ATXN8OS: variants seen among roughly 807,000 people sequenced by gnomAD.
ATXN8OS encodes the protein ATXN8 opposite strand (non-protein coding).
At chr13:70,165,215 A>G (rs1186826112) in intron 4 of ATXN8OS, among the ~76,000 whole-genome samples, 3 of 151,910 alleles carry the variant, frequency 2.0e-5, no homozygotes, top group African/African-American at 7.2e-5. Flanking sequence ...TAAGAGGAAG[A>G]GTGGAAATAA....
intron 4 of ATXN8OS, among the ~76,000 whole-genome samples, chr13:70,154,005 A>G (rs1180736392): frequency 6.6e-5 from 10 of 152,012 alleles, no homozygotes; most frequent in African/African-American, 2.4e-4. Flanking sequence ...TTACTCTTCT[A>G]ATTGTCCCCC....
intron 1 of ATXN8OS, among the ~76,000 whole-genome samples, chr13:70,113,366 A>G (rs1342014133): frequency 6.6e-6 from 1 of 152,158 alleles, no homozygotes; most frequent in African/African-American, 2.4e-5. Context: ...TAATGAGTAA[A>G]ACACATTTGA....
chr13:70,130,022 G>A (rs189844594), intron 3 of ATXN8OS: 1 of 394,440 alleles, frequency 2.5e-6, no homozygotes, highest in East Asian at 3.6e-5. Flanking sequence ...ATATTGAAAG[G>A]GAACTTTTCA....
At chr13:70,134,641 A>T (rs1259463289) in intron 3 of ATXN8OS, among the ~76,000 whole-genome samples, 4 of 152,332 alleles carry the variant, frequency 2.6e-5, no homozygotes, top group South Asian at 2.1e-4. Flanking sequence ...GGAAAACATG[A>T]TAGAGGCAAG....
At chr13:70,141,670 C>T (rs554512341) in intron 3 of ATXN8OS, among the ~76,000 whole-genome samples, 1 of 151,818 alleles carries the variant, frequency 6.6e-6, no homozygotes, top group East Asian at 1.9e-4. Context: ...TGTTTTGTTA[C>T]TTTTTGCCCC....
intron 4 of ATXN8OS, among the ~76,000 whole-genome samples, chr13:70,158,709 C>T (rs761915208): frequency 5.9e-5 from 9 of 152,150 alleles, no homozygotes; most frequent in South Asian, 2.1e-4. Context: ...CAAATGAGCA[C>T]GGTTGTGCTC....
At position 70,161,773 on chromosome 13, in the gene ATXN8OS, G is replaced by GAA. The variant is rs35768122; in HGVS notation, n.574-7973_574-7972dup. Among the ~76,000 whole-genome samples the GAA allele has an allele frequency of 2.2e-4, 34 of 151,252 alleles. 1 individual carries two copies. The highest frequency in any genetic ancestry group is 5.9e-4 in the East Asian group (3 of 5,104). On this transcript the variant is annotated intron_variant and non_coding_transcript_variant, in intron 4 of 4. Transcript: ENST00000678624. ...AAGTATTTGTTGAGTGAAAAAAAATGAAAAAAAATCATAGGATGTACAATG... is the reference window on the plus strand; with the variant it reads ...AAGTATTTGTTGAGTGAAAAAAAATGAAAAAAAAAATCATAGGATGTACAATG...
intron 2 of ATXN8OS, among the ~76,000 whole-genome samples, chr13:70,125,955 A>T (rs1303770098): frequency 1.3e-5 from 2 of 152,114 alleles, no homozygotes; most frequent in Non-Finnish European, 2.9e-5. Flanking sequence ...TGTTTACTTT[A>T]GCTAAAGACA....
At chr13:70,149,499 C>T (rs1323735805) in intron 4 of ATXN8OS, among the ~76,000 whole-genome samples, 1 of 152,014 alleles carries the variant, frequency 6.6e-6, no homozygotes, top group East Asian at 1.9e-4. Flanking sequence ...ATGAATGGAG[C>T]AGAATTACCG....
intron 2 of ATXN8OS, chr13:70,115,338 AG>A (rs890732652): frequency 1.8e-5 from 7 of 397,738 alleles, no homozygotes; most frequent in African/African-American, 1.4e-4. Flanking sequence ...ATTCACAGGG[AG>A]GGAGTCCTCA....
chr13:70,113,872 T>C (rs1261430487), intron 1 of ATXN8OS, among the ~76,000 whole-genome samples: 3 of 152,192 alleles, frequency 2.0e-5, no homozygotes, highest in Non-Finnish European at 4.4e-5. Flanking sequence ...ATCTAGTTTG[T>C]CTTAACATAA....
At chr13:70,110,704 C>G (rs1163137792) in intron 1 of ATXN8OS, among the ~76,000 whole-genome samples, 1 of 151,786 alleles carries the variant, frequency 6.6e-6, no homozygotes, top group African/African-American at 2.4e-5. Context: ...AAATACTGCA[C>G]TAATTAATTT....
chr13:70,119,570 T>G (rs1857301608), intron 2 of ATXN8OS, among the ~76,000 whole-genome samples: 1 of 152,054 alleles, frequency 6.6e-6, no homozygotes, highest in Non-Finnish European at 1.5e-5. Context: ...TTTGAAGGGA[T>G]TCAAATTACA....
chr13:70,109,920 C>T (rs892087571), intron 1 of ATXN8OS, among the ~76,000 whole-genome samples: 15 of 152,208 alleles, frequency 9.9e-5, no homozygotes, highest in African/African-American at 3.6e-4. Flanking sequence ...GATTATCTCA[C>T]TTGATTTATT....
rs566616956 is a variant in ATXN8OS, at chr13:70,143,391, T to TA, written n.500-3955dup. The stretch of plus-strand genomic sequence containing the variant: ...AAATTTGAAGCATCAGTAATAAATC[T>TA]AAAAAAAAATGGTACTGGGTTTATT... On this transcript the variant is annotated intron_variant and non_coding_transcript_variant, in intron 3 of 4. Coordinates refer to ENST00000678624, the Ensembl canonical transcript of ATXN8OS. 1.6e-3 allele frequency among the ~76,000 whole-genome samples: 238 copies of TA among 150,986 alleles called. 2 individuals are homozygous for TA. The highest frequency in any genetic ancestry group is 5.1e-3 in the African/African-American group (210 of 41,196).
intron 2 of ATXN8OS, among the ~76,000 whole-genome samples, chr13:70,119,902 T>C (rs1043660574): frequency 2.4e-4 from 28 of 118,650 alleles, no homozygotes; most frequent in African/African-American, 8.1e-4. Flanking sequence ...ATGATATATA[T>C]GCAAATATTT....
At chr13:70,148,535 GC>G (rs1888820539) in intron 4 of ATXN8OS, among the ~76,000 whole-genome samples, 1 of 152,038 alleles carries the variant, frequency 6.6e-6, no homozygotes, top group Admixed American at 6.6e-5. Context: ...AATCTCCTAG[GC>G]TGAGAGATGG....
chr13:70,159,936 T>G (rs1023770436), intron 4 of ATXN8OS, among the ~76,000 whole-genome samples: 2 of 152,236 alleles, frequency 1.3e-5, no homozygotes, highest in Non-Finnish European at 2.9e-5. Flanking sequence ...TCGATTGATG[T>G]GCATTTGGGT....
chr13:70,121,372 A>G (rs1377859919), intron 2 of ATXN8OS, among the ~76,000 whole-genome samples: 1 of 152,094 alleles, frequency 6.6e-6, no homozygotes, highest in Non-Finnish European at 1.5e-5. Flanking sequence ...ATTTCATAGC[A>G]TAGAGTTTGA....
Sources: allele counts gnomAD v4.1 joint callset (sites outside exome capture counted in the v4.1 genomes callset), GRCh38; gene constraint gnomAD v4.1.1; transcripts MANE v1.5; gene names NCBI Gene and HGNC (gene_info 2026-07-23, HGNC 2026-07-21).